Variants in NEB observed in about 807,000 individuals in gnomAD.
The protein encoded by NEB is nemaline myopathy type 2.
Under a neutral mutation model 952.2 loss-of-function variants are expected in NEB, and 512 were observed. The observed-to-expected ratio is 0.54, with a 90% CI of 0.50 to 0.58. NEB has a LOEUF of 0.58. Ranked by LOEUF, NEB falls within the 20% of genes least tolerant of loss-of-function variation. NEB has a pLI of 0.00. For missense variants in NEB, 8,428 were observed against 9,231.1 expected, an observed-to-expected ratio of 0.91 and a Z score of 3.56; for synonymous variants, 2,900 against 3,149.8, an observed-to-expected ratio of 0.92 and a Z score of 2.66.
rs147476634 is a variant in NEB, at chr2:151,656,370, A to C, written c.6278T>G (p.Val2093Gly). 6.2e-7 allele frequency: 1 copy of C among 1,613,496 alleles called. No individual in the cohort carries two copies. The highest frequency in any genetic ancestry group is 8.5e-7 in the Non-Finnish European group (1 of 1,179,684). The change falls in exon 49 of 182, where the codon GTG (valine) becomes GGG (glycine). Residue 2093 changes from valine to glycine, a missense_variant. By Grantham distance (109) the Val-to-Gly change is moderately radical. Transcript: ENST00000397345. ...CTCCCGATCAGATTGCATCTTAGCC[A>C]CTTGCATGGAATGGACTAATTTGGG... Reference protein sequence around the residue: ...DDPKLVHSMQVAKMQSDREYK... With the variant: ...DDPKLVHSMQGAKMQSDREYK...
At chr2:151,492,523 G>T (rs749444070) in intron 176 of NEB, 29 bp from the exon 177 acceptor site, 3 of 1,502,004 alleles carry the variant, frequency 2.0e-6, no homozygotes, top group African/African-American at 1.4e-5. Flanking sequence ...TGAATGAGTG[G>T]TGCTGTCCTA....
At position 151,611,100 on chromosome 2, in the gene NEB, G is replaced by C. The variant is rs140962931; in HGVS notation, c.11806-234C>G. On this transcript the variant is annotated intron_variant, in intron 78 of 181. Transcript: ENST00000397345. Reference sequence around the variant, plus strand: ...CATAATTAATATGAAGCAATATAATGGTTGCTATTAGTAATTCTTTTCATC... The same window carrying C: ...CATAATTAATATGAAGCAATATAATCGTTGCTATTAGTAATTCTTTTCATC... 1.0e-3 allele frequency among the ~76,000 whole-genome samples: 158 copies of C among 152,230 alleles called. 3 individuals carry two copies. In the East Asian group the frequency reaches 0.028, roughly 27 times the overall value.
At chr2:151,657,893 T>C (rs2099104012) in intron 48 of NEB, 90 bp downstream of exon 48, 3 of 861,856 alleles carry the variant, frequency 3.5e-6, no homozygotes, top group Non-Finnish European at 5.6e-6. Context: ...GTTTTTCATA[T>C]TGTGTCCACT....
At chr2:151,661,582 T>C (rs1448999806) in intron 46 of NEB, among the ~76,000 whole-genome samples, 1 of 152,356 alleles carries the variant, frequency 6.6e-6, no homozygotes, top group East Asian at 1.9e-4. Context: ...TTGGTCTTGA[T>C]CTCTTATTGC....
chr2:151,524,011 C>G (rs2083757556), intron 153 of NEB, among the ~76,000 whole-genome samples: 1 of 152,264 alleles, frequency 6.6e-6, no homozygotes, highest in African/African-American at 2.4e-5. Flanking sequence ...ACTCTTAAGG[C>G]CTGGGGAGAG....
At chr2:151,551,674 C>T in intron 129 of NEB, 64 bp downstream of exon 129, 1 of 1,295,546 alleles carries the variant, frequency 7.7e-7, no homozygotes, top group Non-Finnish European at 1.1e-6. Context: ...GCAAGCTCAG[C>T]TTGCTTCCAC....
Position 151,642,723 on chromosome 2 carries a change from T to C in NEB, c.8265+42A>G, listed in dbSNP as rs758464192. Reference sequence around the variant, plus strand: ...TAGTAAGTTGGATTTATAAAGTGCATTGTAAGGAAAATGTATCACGCACTA... The same window carrying C: ...TAGTAAGTTGGATTTATAAAGTGCACTGTAAGGAAAATGTATCACGCACTA... On this transcript the variant is annotated intron_variant, in intron 59 of 181. Transcript: ENST00000397345. The C allele has an allele frequency of 3.7e-6, 6 of 1,607,296 alleles. No homozygotes were observed. The South Asian group carries it at 6.6e-5, about 18-fold the overall frequency.
chr2:151,562,074 C>G, intron 121 of NEB, 36 bp downstream of exon 121: 1 of 1,522,520 alleles, frequency 6.6e-7, no homozygotes, highest in Non-Finnish European at 9.1e-7. Context: ...TTCTGATGAC[C>G]CATGGAGAAC....
In NEB at chr2:151,640,644, C is replaced by A. The variant is rs757768909; in HGVS notation, c.8396G>T (p.Arg2799Leu). 1 of 1,612,582 alleles carries A rather than the reference C, an allele frequency of 6.2e-7. No individual in the cohort carries two copies. The highest frequency in any genetic ancestry group is 8.5e-7 in the Non-Finnish European group (1 of 1,178,964). Residue 2799 changes from arginine to leucine, a missense_variant, in exon 61 of 182, where the codon CGT (arginine) becomes CTT (leucine). Transcript: ENST00000397345. ...ACCAATGTGGTGGCCGAGCTGCTTA[C>A]GATAGCCTTCTTTGTACTTGAACTA... ...ASEFKYKEGY[R>L]KQLGHHIGAR...
Position 151,537,166 on chromosome 2 carries a change from G to A in NEB, c.21173C>T (p.Thr7058Ile), listed in dbSNP as rs200523155. The change falls in exon 141 of 182, where the codon ACT (threonine) becomes ATT (isoleucine). Residue 7058 changes from threonine (T) to isoleucine (I), a missense_variant. Physicochemically the swap from Thr to Ile is moderately conservative, Grantham distance 89 (BLOSUM62 -1). Coordinates refer to ENST00000397345, the MANE Select transcript of NEB (RefSeq NM_001164508.2). ...GCYAYDTPDFTLAEKNKTLYS... is the reference protein window; with the variant it reads ...GCYAYDTPDFILAEKNKTLYS... Reference sequence around the variant, plus strand: ...GAGAGTCTTGTTCTTTTCAGCCAGAGTGAAATCAGGGGTATCATAGGCATA... The same window carrying A: ...GAGAGTCTTGTTCTTTTCAGCCAGAATGAAATCAGGGGTATCATAGGCATA... The A allele has an allele frequency of 1.9e-4, 305 of 1,612,960 alleles. No homozygotes were observed. Among genetic ancestry groups the A allele is most frequent in the Non-Finnish European group, 1.9e-4 (224 of 1,179,304 alleles).
rs758639063 is a variant in NEB at position 151,684,870 on chromosome 2, C to T, written c.2743G>A (p.Val915Ile). The T allele has an allele frequency of 1.2e-5, 19 of 1,613,056 alleles. No individual in the cohort carries two copies. The highest frequency in any genetic ancestry group is 2.2e-5 in the East Asian group (1 of 44,884). Residue 915 changes from valine (V) to isoleucine (I), a missense_variant, in exon 28 of 182, where the codon GTT (valine) becomes ATT (isoleucine). Physicochemically the swap from Val to Ile is conservative, Grantham distance 29. Transcript: ENST00000397345. ...CTGTGTAAGATGTGCTTATAATCAA[C>T]GTCGCTGGCAATTGCCTGAGATTTC... ...AKKSQAIASDVDYKHILHSYS... is the reference protein window; with the variant it reads ...AKKSQAIASDIDYKHILHSYS...
At chr2:151,731,394 C>G (rs1463210156) in intron 3 of NEB, among the ~76,000 whole-genome samples, 2 of 152,078 alleles carry the variant, frequency 1.3e-5, no homozygotes, top group Non-Finnish European at 2.9e-5. Flanking sequence ...TTCAGATGTC[C>G]AAGATCCCAA....
intron 52 of NEB, 63 bp downstream of exon 52, chr2:151,653,929 C>G (rs975069672): frequency 9.4e-7 from 1 of 1,065,360 alleles, no homozygotes; most frequent in Non-Finnish European, 1.4e-6. Flanking sequence ...AAAATAGTTA[C>G]CGACATTAAG....
intron 4 of NEB, among the ~76,000 whole-genome samples, chr2:151,729,274 C>T (rs1328715532): frequency 1.3e-5 from 2 of 152,174 alleles, no homozygotes; most frequent in Non-Finnish European, 2.9e-5. Context: ...AGCCAAGGCT[C>T]CTTGGCTTGT....
intron 161 of NEB, among the ~76,000 whole-genome samples, chr2:151,511,218 C>A (rs1392584405): frequency 2.0e-5 from 3 of 152,238 alleles, no homozygotes; most frequent in African/African-American, 7.2e-5. Flanking sequence ...GTGAACACAA[C>A]ATGGTAATTT....
At chr2:151,728,776 G>T (rs186982529) in intron 4 of NEB, among the ~76,000 whole-genome samples, 10 of 152,202 alleles carry the variant, frequency 6.6e-5, no homozygotes, top group Admixed American at 6.5e-4. Flanking sequence ...CTGTACCAAA[G>T]AATTCTAGCA....
chr2:151,575,254 T>C (rs1048928881), intron 107 of NEB, among the ~76,000 whole-genome samples: 9 of 152,176 alleles, frequency 5.9e-5, no homozygotes, highest in African/African-American at 2.4e-5. Flanking sequence ...TGTATGTTTT[T>C]TGGTTTTTTC....
chr2:151,503,296 TGTG>T (rs1382904778), intron 166 of NEB, 50 bp downstream of exon 166: 2 of 1,302,528 alleles, frequency 1.5e-6, no homozygotes, highest in South Asian at 1.2e-5. Flanking sequence ...GATGGGTTAT[TGTG>T]GTAAATTTTT....
chr2:151,489,798 G>A (rs2054615586), intron 181 of NEB, among the ~76,000 whole-genome samples, 173 bp downstream of exon 181: 3 of 151,688 alleles, frequency 2.0e-5, no homozygotes, highest in Admixed American at 6.6e-5. Flanking sequence ...TCATTAATTT[G>A]AGTTAGATAA....
Sources: allele counts gnomAD v4.1 joint callset (sites outside exome capture counted in the v4.1 genomes callset), GRCh38; gene constraint gnomAD v4.1.1; transcripts MANE v1.5; gene names NCBI Gene and HGNC (gene_info 2026-07-23, HGNC 2026-07-21).